AKR1C3: variants seen among roughly 807,000 people sequenced by gnomAD.
The protein encoded by AKR1C3 is 3-alpha hydroxysteroid dehydrogenase, type II.
A neutral mutation model predicts 43.6 loss-of-function variants in AKR1C3; 48 were observed. The observed-to-expected ratio is 1.10, with a 90% confidence interval of 0.87 to 1.40. The LOEUF is 1.40. AKR1C3 is among the 40% of genes most tolerant of loss of function. The pLI, the probability that AKR1C3 is intolerant of heterozygous loss-of-function variation, is 0.00. For missense variants in AKR1C3, 482 were observed against 391.2 expected (o/e 1.23, Z -1.96); for synonymous variants, 162 against 139.6 (o/e 1.16, Z -1.13).
intron 5 of AKR1C3, among the ~76,000 whole-genome samples, chr10:5,101,418 A>G (rs1839348069): frequency 6.6e-6 from 1 of 151,972 alleles, no homozygotes; most frequent in South Asian, 2.1e-4. Flanking sequence ...ACTATGAAAA[A>G]AAATCCTTCA....
intron 1 of AKR1C3, among the ~76,000 whole-genome samples, chr10:5,051,899 C>G (rs1244331136): frequency 6.6e-6 from 1 of 152,130 alleles, no homozygotes; most frequent in Non-Finnish European, 1.5e-5. Flanking sequence ...CTACTTTGGT[C>G]TCCATTATTG....
At chr10:5,103,304 A>G (rs1839405685) in intron 7 of AKR1C3, among the ~76,000 whole-genome samples, 1 of 150,374 alleles carries the variant, frequency 6.7e-6, no homozygotes, top group African/African-American at 2.4e-5. Context: ...ATATTTATTC[A>G]CTTGGAGTTT....
Position 5,094,448 on chromosome 10 carries a change from G to A in AKR1C3, c.4G>A (p.Asp2Asn), listed in dbSNP as rs183569513. 1.2e-6 allele frequency: 2 copies of A among 1,611,966 alleles called. No homozygotes were observed. The highest frequency in any genetic ancestry group is 4.5e-5 in the East Asian group (2 of 44,814). The part of the protein sequence containing the change: M[D>N]SKHQCVKLND... Reference sequence around the variant, plus strand: ...CTAGTCAGACAAGTGACAGGGAATGGATTCCAAACACCAGTGTGTAAAGCT... The same window carrying A: ...CTAGTCAGACAAGTGACAGGGAATGAATTCCAAACACCAGTGTGTAAAGCT... The change falls in exon 1 of 9, where the codon GAT (aspartate) becomes AAT (asparagine). Residue 2 changes from aspartate to asparagine, a missense_variant. Transcript: ENST00000380554.
At chr10:5,054,322 G>A (rs1394674573) in intron 1 of AKR1C3, among the ~76,000 whole-genome samples, 1 of 152,224 alleles carries the variant, frequency 6.6e-6, no homozygotes, top group African/African-American at 2.4e-5. Flanking sequence ...AGATAAACCA[G>A]CTATTCCGGT....
chr10:5,066,731 A>T (rs782163923), intron 1 of AKR1C3, among the ~76,000 whole-genome samples: 3 of 152,190 alleles, frequency 2.0e-5, no homozygotes, highest in Admixed American at 6.5e-5. Context: ...CCTTCACTGA[A>T]TTTCCATAAT....
chr10:5,103,051 G>A (rs977362260), intron 7 of AKR1C3, among the ~76,000 whole-genome samples: 3 of 151,216 alleles, frequency 2.0e-5, no homozygotes, highest in Admixed American at 6.6e-5. Flanking sequence ...CACCAAGCCC[G>A]GCTAATTTTT....
chr10:5,072,866 T>C (rs1283120016), intron 1 of AKR1C3, among the ~76,000 whole-genome samples: 6 of 152,254 alleles, frequency 3.9e-5, no homozygotes, highest in African/African-American at 1.4e-4. Flanking sequence ...TTCTTGGCTA[T>C]ATAAAGGGGT....
chr10:5,093,050 G>A (rs1839130105), upstream of AKR1C3, among the ~76,000 whole-genome samples: 1 of 151,974 alleles, frequency 6.6e-6, no homozygotes, highest in Non-Finnish European at 1.5e-5. Context: ...TGGACTGTGT[G>A]TGCCCATTAG....
chr10:5,066,328 C>A (rs1052604764), intron 1 of AKR1C3, among the ~76,000 whole-genome samples: 1 of 152,094 alleles, frequency 6.6e-6, no homozygotes, highest in African/African-American at 2.4e-5. Context: ...CAGAAATTTC[C>A]CCTTTTTGAT....
intron 1 of AKR1C3, among the ~76,000 whole-genome samples, chr10:5,055,253 A>T (rs1554779432): frequency 6.6e-6 from 1 of 152,200 alleles, no homozygotes; most frequent in African/African-American, 2.4e-5. Flanking sequence ...AGTTGAGGGG[A>T]CTTCTAAGAG....
At chr10:5,070,054 C>T (rs1314560909) in intron 1 of AKR1C3, among the ~76,000 whole-genome samples, 6 of 152,118 alleles carry the variant, frequency 3.9e-5, no homozygotes, top group Admixed American at 1.3e-4. Flanking sequence ...AAGAGAAGAC[C>T]CAGGTCCCTT....
intron 1 of AKR1C3, among the ~76,000 whole-genome samples, chr10:5,086,390 GT>G (rs1337224697): frequency 6.6e-6 from 1 of 151,518 alleles, no homozygotes; most frequent in Non-Finnish European, 1.5e-5. Flanking sequence ...GCAGTTTTGA[GT>G]GAGTTTCTTA....
At chr10:5,058,229 A>G (rs1838304553) in intron 1 of AKR1C3, among the ~76,000 whole-genome samples, 1 of 152,160 alleles carries the variant, frequency 6.6e-6, no homozygotes, top group Non-Finnish European at 1.5e-5. Flanking sequence ...TGTAAATTGT[A>G]AGCTTTGCAT....
chr10:5,096,362 C>T (rs782367710), intron 1 of AKR1C3, 48 bp from the exon 2 acceptor site: 19 of 1,583,028 alleles, frequency 1.2e-5, no homozygotes, highest in Non-Finnish European at 1.6e-5. Flanking sequence ...CCTGAACTAC[C>T]TCTCAGCCAC....
chr10:5,055,822 G>A (rs1254326542), intron 1 of AKR1C3, among the ~76,000 whole-genome samples: 2 of 152,164 alleles, frequency 1.3e-5, no homozygotes, highest in African/African-American at 4.8e-5. Context: ...CTTGATTAGG[G>A]TATAGAAGGG....
upstream of AKR1C3, among the ~76,000 whole-genome samples, chr10:5,089,919 T>G (rs1453359767): frequency 6.6e-6 from 1 of 152,162 alleles, no homozygotes; most frequent in Non-Finnish European, 1.5e-5. Flanking sequence ...TATTTTTGCT[T>G]TATACCTCTG....
At chr10:5,066,789 T>C (rs1257953080) in intron 1 of AKR1C3, among the ~76,000 whole-genome samples, 7 of 152,220 alleles carry the variant, frequency 4.6e-5, no homozygotes, top group East Asian at 3.9e-4. Flanking sequence ...AGCTGCAGCA[T>C]AGATACTTTT....
At chr10:5,100,316 C>G (rs1278575553) in intron 5 of AKR1C3, among the ~76,000 whole-genome samples, 1 of 152,106 alleles carries the variant, frequency 6.6e-6, no homozygotes, top group Admixed American at 6.6e-5. Flanking sequence ...GAAAAATTAC[C>G]TGTTTATGGA....
intron 7 of AKR1C3, 121 bp downstream of exon 7, chr10:5,102,771 G>T (rs996923881): frequency 6.7e-7 from 1 of 1,502,996 alleles, no homozygotes; most frequent in South Asian, 1.3e-5. Context: ...CCATATGAAT[G>T]CTTTGCGTGC....
Sources: allele counts gnomAD v4.1 joint callset (sites outside exome capture counted in the v4.1 genomes callset), GRCh38; gene constraint gnomAD v4.1.1; transcripts MANE v1.5; gene names NCBI Gene and HGNC (gene_info 2026-07-23, HGNC 2026-07-21).